ST6GALNAC5: variants seen among roughly 807,000 people sequenced by gnomAD.
ST6GALNAC5 encodes ST6 N-acetylgalactosaminide alpha-2,6-sialyltransferase 5, also known as alpha-N-acetylgalactosaminide alpha-2,6-sialyltransferase 5.
A neutral mutation model predicts 33.6 loss-of-function variants in ST6GALNAC5; 27 were observed. The ratio of observed to expected loss-of-function variants is 0.80; its 90% CI spans 0.59 to 1.11. The LOEUF is 1.11. Among genes scored for constraint, ST6GALNAC5 ranks in the 50% least tolerant of loss-of-function variants. ST6GALNAC5 has a pLI of 0.00. For synonymous variants in ST6GALNAC5, 194 were observed against 171.2 expected (o/e 1.13, Z -1.04); for missense variants, 428 against 454.0 (o/e 0.94, Z 0.52).
intron 2 of ST6GALNAC5, among the ~76,000 whole-genome samples, chr1:76,884,413 A>C (rs758866027): frequency 6.6e-6 from 1 of 152,154 alleles, no homozygotes; most frequent in Admixed American, 6.6e-5. Flanking sequence ...TCGAGACTCC[A>C]TAATGCATAT....
chr1:77,027,004 G>C (rs1502524), intron 2 of ST6GALNAC5, among the ~76,000 whole-genome samples: 4 of 152,028 alleles, frequency 2.6e-5, no homozygotes, highest in Admixed American at 6.5e-5. Flanking sequence ...TGCTCCCCCA[G>C]GTTGATGGGA....
At chr1:76,878,622 T>C (rs1026828777) in intron 2 of ST6GALNAC5, among the ~76,000 whole-genome samples, 4 of 152,178 alleles carry the variant, frequency 2.6e-5, no homozygotes, top group African/African-American at 9.7e-5. Flanking sequence ...AGTAATGTAG[T>C]GGGGTCCTTC....
rs981661707 is a variant in ST6GALNAC5 at position 77,000,967 on chromosome 1, C to T, written c.262-43237C>T. 6.3e-4 allele frequency among the ~76,000 whole-genome samples: 95 copies of T among 151,324 alleles called. 2 individuals carry two copies. The highest frequency in any genetic ancestry group is 5.3e-3 in the Admixed American group (80 of 15,188). On this transcript the variant is annotated intron_variant, in intron 2 of 4. Transcript: ENST00000477717. ...TTCTTTTGGCTTAGGATTGCCTTGG[C>T]GATGCGGGCTCTTTTTTGGTTCCAT...
intron 2 of ST6GALNAC5, among the ~76,000 whole-genome samples, chr1:76,904,022 T>C (rs557907686): frequency 6.6e-6 from 1 of 152,296 alleles, no homozygotes; most frequent in African/African-American, 2.4e-5. Context: ...ATTCCGTGAA[T>C]TTAGTGGGTG....
At chr1:76,954,487 C>T (rs889473878) in intron 2 of ST6GALNAC5, among the ~76,000 whole-genome samples, 1 of 151,984 alleles carries the variant, frequency 6.6e-6, no homozygotes, top group Non-Finnish European at 1.5e-5. Context: ...ACACGTTTAC[C>T]TGTGTAAAAA....
chr1:76,999,512 T>C (rs1051076617), intron 2 of ST6GALNAC5, among the ~76,000 whole-genome samples: 1 of 151,880 alleles, frequency 6.6e-6, no homozygotes, highest in Non-Finnish European at 1.5e-5. Flanking sequence ...TATTATACTT[T>C]AAGTTTTAGG....
intron 2 of ST6GALNAC5, among the ~76,000 whole-genome samples, chr1:76,972,107 T>C (rs1648781822): frequency 1.3e-5 from 2 of 152,150 alleles, no homozygotes. Flanking sequence ...GGAAAGAGGT[T>C]TAAGTGACTC....
intron 2 of ST6GALNAC5, among the ~76,000 whole-genome samples, chr1:76,980,146 CAT>C (rs1427708457): frequency 6.6e-6 from 1 of 151,840 alleles, no homozygotes; most frequent in Non-Finnish European, 1.5e-5. Flanking sequence ...TATTAATATA[CAT>C]GTTTCTATGA....
In ST6GALNAC5 at chr1:76,976,630, G is replaced by A. The variant is rs185991223; in HGVS notation, c.262-67574G>A. On this transcript the variant is annotated intron_variant, in intron 2 of 4. Coordinates refer to ENST00000477717, the MANE Select transcript of ST6GALNAC5 (RefSeq NM_030965.3). ...TTTTGCAATACTATGGGTCACATTTGATAAATTATGTTTTCTTAGAAAATT... is the reference window on the plus strand; with the variant it reads ...TTTTGCAATACTATGGGTCACATTTAATAAATTATGTTTTCTTAGAAAATT... 6.7e-3 allele frequency among the ~76,000 whole-genome samples: 1,022 copies of A among 152,156 alleles called. 7 individuals are homozygous for A. Among genetic ancestry groups the A allele is most frequent in the Non-Finnish European group, 9.4e-3 (638 of 67,988 alleles).
At chr1:77,034,093 C>T (rs760168156) in intron 2 of ST6GALNAC5, among the ~76,000 whole-genome samples, 4 of 152,090 alleles carry the variant, frequency 2.6e-5, no homozygotes, top group Admixed American at 6.6e-5. Flanking sequence ...TATCACAAAT[C>T]GGCTGTGTAA....
chr1:76,905,650 T>C (rs908740938), intron 2 of ST6GALNAC5, among the ~76,000 whole-genome samples: 2 of 152,222 alleles, frequency 1.3e-5, no homozygotes, highest in African/African-American at 4.8e-5. Flanking sequence ...AAAAATTCTA[T>C]GTGTTGATAA....
At chr1:76,894,553 C>T (rs1654084075) in intron 2 of ST6GALNAC5, among the ~76,000 whole-genome samples, 1 of 152,028 alleles carries the variant, frequency 6.6e-6, no homozygotes, top group Non-Finnish European at 1.5e-5. Flanking sequence ...TGATAGGCAC[C>T]CTATTGCCAC....
chr1:76,968,443 C>T (rs2100361198), intron 2 of ST6GALNAC5, among the ~76,000 whole-genome samples: 1 of 152,254 alleles, frequency 6.6e-6, no homozygotes, highest in East Asian at 1.9e-4. Context: ...GTAGATCTTC[C>T]TCCATCCCTT....
intron 2 of ST6GALNAC5, among the ~76,000 whole-genome samples, chr1:76,933,042 T>G (rs898428366): frequency 6.6e-6 from 1 of 152,128 alleles, no homozygotes; most frequent in African/African-American, 2.4e-5. Context: ...TTGCTTCTTT[T>G]GGAAACTGCA....
At chr1:76,918,997 G>A (rs572902381) in intron 2 of ST6GALNAC5, among the ~76,000 whole-genome samples, 3 of 152,136 alleles carry the variant, frequency 2.0e-5, no homozygotes, top group South Asian at 2.1e-4. Flanking sequence ...TCAGGTAAGC[G>A]CCTCTCTTGT....
intron 3 of ST6GALNAC5, among the ~76,000 whole-genome samples, chr1:77,047,446 T>A (rs1032644084): frequency 1.8e-4 from 28 of 152,334 alleles, no homozygotes; most frequent in African/African-American, 6.0e-4. Context: ...AACTTGCAGA[T>A]CTCATGATCA....
chr1:76,978,013 C>T (rs767197955), intron 2 of ST6GALNAC5, among the ~76,000 whole-genome samples: 1 of 152,062 alleles, frequency 6.6e-6, no homozygotes, highest in African/African-American at 2.4e-5. Flanking sequence ...TGATAACAGC[C>T]GTTCTGACTA....
intron 2 of ST6GALNAC5, among the ~76,000 whole-genome samples, chr1:77,024,489 AGCAT>A (rs1337606983): frequency 1.3e-5 from 2 of 152,214 alleles, no homozygotes; most frequent in African/African-American, 4.8e-5. Context: ...GACAGGAGAC[AGCAT>A]CTCCCAGGGG....
intron 2 of ST6GALNAC5, among the ~76,000 whole-genome samples, chr1:76,947,408 C>T: frequency 6.6e-6 from 1 of 152,148 alleles, no homozygotes; most frequent in Admixed American, 6.6e-5. Context: ...CTAGTATACA[C>T]TACAACAACA....
Sources: allele counts gnomAD v4.1 joint callset (sites outside exome capture counted in the v4.1 genomes callset), GRCh38; gene constraint gnomAD v4.1.1; transcripts MANE v1.5; gene names NCBI Gene and HGNC (gene_info 2026-07-23, HGNC 2026-07-21).